Variants in COP1 observed in about 807,000 individuals in gnomAD.
COP1 encodes the protein COP1 E3 ubiquitin ligase.
In COP1, 24 loss-of-function variants were observed where a neutral mutation model predicts 101.3. The ratio of observed to expected loss-of-function variants is 0.24; its 90% confidence interval spans 0.17 to 0.33. COP1 has a LOEUF of 0.33. COP1 is among the 10% of genes least tolerant of loss of function. COP1 has a pLI of 1.00. For synonymous variants in COP1, 347 were observed against 341.9 expected (o/e 1.01, Z -0.17); for missense variants, 663 against 906.2 (o/e 0.73, Z 3.45).
intron 18 of COP1, among the ~76,000 whole-genome samples, chr1:175,963,267 G>A (rs1242893464): frequency 1.3e-5 from 2 of 151,656 alleles, no homozygotes; most frequent in East Asian, 1.9e-4. Flanking sequence ...TCTCAGTATG[G>A]CATTCAAGAC....
At chr1:176,185,329 A>G (rs773334805) in intron 1 of COP1, among the ~76,000 whole-genome samples, 9 of 152,236 alleles carry the variant, frequency 5.9e-5, no homozygotes, top group Non-Finnish European at 1.3e-4. Context: ...AAAGTCACAC[A>G]GCTAAGAAGT....
At chr1:176,051,778 G>A (rs560493626) in intron 11 of COP1, among the ~76,000 whole-genome samples, 4 of 152,004 alleles carry the variant, frequency 2.6e-5, no homozygotes, top group Non-Finnish European at 5.9e-5. Context: ...ACATGTGTTT[G>A]TGTCTCAGAT....
intron 11 of COP1, among the ~76,000 whole-genome samples, chr1:176,063,848 A>G (rs1364853774): frequency 1.3e-5 from 2 of 152,242 alleles, no homozygotes; most frequent in Non-Finnish European, 2.9e-5. Flanking sequence ...TCGTTAAACC[A>G]ATGATGGATT....
rs1022345515 is a variant in COP1 at position 176,189,338 on chromosome 1, A to C, written c.408-4646T>G. Among the ~76,000 whole-genome samples the C allele has an allele frequency of 6.6e-5, 10 of 151,390 alleles. No individual in the cohort carries two copies. The East Asian group carries it at 1.9e-3, about 29-fold the overall frequency. On this transcript the variant is annotated intron_variant, in intron 1 of 19. Coordinates refer to ENST00000367669, the MANE Select transcript of COP1 (RefSeq NM_022457.7). ...TATAATTGTCATTTGTTTTGGTCAT[A>C]TTTTTCTGGCTTGCTTTCATTGTTT...
intron 10 of COP1, among the ~76,000 whole-genome samples, chr1:176,085,354 G>C (rs1215778732): frequency 1.3e-5 from 2 of 151,878 alleles, no homozygotes; most frequent in African/African-American, 4.8e-5. Flanking sequence ...ACACAGAACT[G>C]TTTATCTGTT....
At chr1:176,132,606 GTATA>G (rs1237337250) in intron 8 of COP1, among the ~76,000 whole-genome samples, 11 of 119,072 alleles carry the variant, frequency 9.2e-5, no homozygotes, top group Admixed American at 1.8e-4. Flanking sequence ...ACATATGTAC[GTATA>G]TATACTATAT....
rs532929209 is a variant in COP1 at position 176,116,358 on chromosome 1, A to C, written c.1026+266T>G. On this transcript the variant is annotated intron_variant, in intron 9 of 19. Transcript: ENST00000367669. Reference sequence around the variant, plus strand: ...CTGCGTGACAGAGTGTCTCAAAAAAACAAAAACAAAAACAAAGCAAAACAC... The same window carrying C: ...CTGCGTGACAGAGTGTCTCAAAAAACCAAAAACAAAAACAAAGCAAAACAC... 1.2e-4 allele frequency among the ~76,000 whole-genome samples: 19 copies of C among 152,334 alleles called. 1 individual carries two copies. Among genetic ancestry groups the C allele is most frequent in the South Asian group, 8.3e-4 (4 of 4,830 alleles).
chr1:176,157,692 G>C lies in COP1; in HGVS notation c.762+5177C>G, dbSNP rs561780088. Among the ~76,000 whole-genome samples the C allele has an allele frequency of 2.0e-5, 3 of 152,194 alleles. No individual in the cohort carries two copies. In the South Asian group the frequency reaches 6.2e-4, roughly 32 times the overall value. On this transcript the variant is annotated intron_variant, in intron 5 of 19. Transcript: ENST00000367669. ...AACTACATGTCAGGACAAAGTTCAG[G>C]AATATATAAAGGATTACAAAAATAT...
chr1:176,034,316 C>T (rs1415173359), intron 14 of COP1, among the ~76,000 whole-genome samples: 1 of 152,200 alleles, frequency 6.6e-6, no homozygotes, highest in Middle Eastern at 3.4e-3. Context: ...TTCCTTTTTA[C>T]TCTTTTTCTC....
At chr1:176,190,322 T>G (rs985376398) in intron 1 of COP1, among the ~76,000 whole-genome samples, 1 of 152,034 alleles carries the variant, frequency 6.6e-6, no homozygotes, top group African/African-American at 2.4e-5. Context: ...GCATTTCAAA[T>G]TTCAGATTTT....
intron 8 of COP1, among the ~76,000 whole-genome samples, chr1:176,126,893 C>T (rs560876140): frequency 6.6e-6 from 1 of 152,208 alleles, no homozygotes; most frequent in South Asian, 2.1e-4. Context: ...ATAATTACTA[C>T]AGTTTTTGGA....
chr1:176,144,402 T>C (rs1182840439), intron 6 of COP1, among the ~76,000 whole-genome samples: 1 of 152,104 alleles, frequency 6.6e-6, no homozygotes, highest in East Asian at 1.9e-4. Context: ...AAGACTACCC[T>C]GAAAAATATA....
intron 18 of COP1, among the ~76,000 whole-genome samples, chr1:175,980,675 G>C (rs540235187): frequency 3.3e-5 from 5 of 151,978 alleles, no homozygotes; most frequent in Admixed American, 3.3e-4. Flanking sequence ...CCACCCTAAT[G>C]ACCACTGCTT....
At chr1:176,127,449 T>C (rs577175935) in intron 8 of COP1, among the ~76,000 whole-genome samples, 1 of 152,246 alleles carries the variant, frequency 6.6e-6, no homozygotes, top group Admixed American at 6.5e-5. Context: ...TCATACAATA[T>C]CTGTCTTTCT....
At chr1:176,182,749 A>G (rs75139804) in intron 2 of COP1, among the ~76,000 whole-genome samples, 258 of 152,364 alleles carry the variant, frequency 1.7e-3, no homozygotes, top group Middle Eastern at 6.8e-3. Context: ...GGCCAAGACC[A>G]TACCTGTATC....
At chr1:176,058,032 T>A (rs1458130672) in intron 11 of COP1, among the ~76,000 whole-genome samples, 1 of 95,314 alleles carries the variant, frequency 1.0e-5, no homozygotes, top group African/African-American at 2.9e-5. Flanking sequence ...CCGCCCCGTC[T>A]GAGAAGTGAG....
At chr1:175,988,622 C>T in intron 16 of COP1, 2 of 413,326 alleles carry the variant, frequency 4.8e-6, no homozygotes, top group Non-Finnish European at 8.6e-6. Context: ...CACCTGAGGT[C>T]TGGAGTTCGA....
chr1:176,114,953 G>C (rs1685927189), intron 9 of COP1, among the ~76,000 whole-genome samples: 1 of 152,074 alleles, frequency 6.6e-6, no homozygotes, highest in Admixed American at 6.6e-5. Flanking sequence ...TAAGGGTAAA[G>C]AAACATATGT....
chr1:175,960,885 G>A (rs997675292), intron 18 of COP1, among the ~76,000 whole-genome samples: 15 of 152,342 alleles, frequency 9.8e-5, no homozygotes, highest in Middle Eastern at 3.4e-3. Flanking sequence ...CTGTGAGGGT[G>A]TTTCCAGAAG....
Sources: gnomAD v4.1 joint callset for allele counts (sites outside exome capture counted in the v4.1 genomes callset) on GRCh38, gnomAD v4.1.1 for gene constraint, MANE v1.5 for transcripts, NCBI Gene and HGNC (gene_info 2026-07-23, HGNC 2026-07-21) for gene names.